Variants in ZNF143 observed in about 807,000 individuals in gnomAD.
ZNF143 encodes zinc finger protein 143.
ZNF143 carries 49 observed loss-of-function variants against 74.1 expected under a neutral mutation model. The observed-to-expected ratio is 0.66, with a 90% confidence interval of 0.53 to 0.84. ZNF143 has a LOEUF of 0.84. Among genes scored for constraint, ZNF143 ranks in the 40% least tolerant of loss-of-function variants. The probability of loss-of-function intolerance (pLI) is 0.00; values close to 1 mark genes in which losing one functional copy is unlikely to be tolerated. For missense variants in ZNF143, 637 were observed against 793.4 expected, an observed-to-expected ratio of 0.80 and a Z score of 2.37; for synonymous variants, 304 against 282.8, an observed-to-expected ratio of 1.07 and a Z score of -0.75.
At chr11:9,504,880 G>A (rs1178920331) in intron 11 of ZNF143, among the ~76,000 whole-genome samples, 3 of 119,184 alleles carry the variant, frequency 2.5e-5, no homozygotes, top group African/African-American at 8.0e-5. Context: ...TCACCATGTT[G>A]GCCATGACAG....
chr11:9,471,467 T>C, intron 2 of ZNF143, 47 bp downstream of exon 2: 1 of 1,408,472 alleles, frequency 7.1e-7, no homozygotes, highest in South Asian at 1.4e-5. Flanking sequence ...ATCATTTATC[T>C]TAAAAGAAAA....
chr11:9,472,131 G>T (rs773670108), intron 2 of ZNF143, among the ~76,000 whole-genome samples: 2 of 151,172 alleles, frequency 1.3e-5, no homozygotes, highest in Non-Finnish European at 2.9e-5. Context: ...GTTTCACCAT[G>T]TTGCCCAGGC....
chr11:9,495,442 A>G (rs552251851), intron 8 of ZNF143, among the ~76,000 whole-genome samples: 5 of 152,360 alleles, frequency 3.3e-5, no homozygotes, highest in East Asian at 3.9e-4. Flanking sequence ...CTCCATCTCA[A>G]TAAATAAATA....
intron 14 of ZNF143, among the ~76,000 whole-genome samples, chr11:9,522,122 C>A (rs1472855726): frequency 6.7e-6 from 1 of 149,698 alleles, no homozygotes; most frequent in Non-Finnish European, 1.5e-5. Flanking sequence ...AGGAAAATTT[C>A]TTTTAAATGC....
intron 9 of ZNF143, 91 bp downstream of exon 9, chr11:9,496,469 T>G (rs1847960902): frequency 5.7e-6 from 6 of 1,060,468 alleles, no homozygotes; most frequent in Non-Finnish European, 8.6e-6. Context: ...TGGCTGTGTC[T>G]GAATCTGCAG....
intron 7 of ZNF143, among the ~76,000 whole-genome samples, chr11:9,480,435 C>T (rs925733641): frequency 6.6e-6 from 1 of 151,722 alleles, no homozygotes; most frequent in African/African-American, 2.4e-5. Context: ...TTATATTTAA[C>T]TCCTAAAGTT....
chr11:9,526,980 A>G (rs545119433), intron 15 of ZNF143, among the ~76,000 whole-genome samples: 4 of 151,154 alleles, frequency 2.6e-5, no homozygotes, highest in African/African-American at 4.9e-5. Flanking sequence ...ACCCATCACC[A>G]CGCCCAGCAA....
chr11:9,462,545 A>G (rs1243409999), intron 1 of ZNF143, among the ~76,000 whole-genome samples: 3 of 147,606 alleles, frequency 2.0e-5, no homozygotes, highest in African/African-American at 7.3e-5. Context: ...TCTGGGTGAC[A>G]GAGACCGGTC....
chr11:9,502,857 G>A (rs1848216742), intron 11 of ZNF143, among the ~76,000 whole-genome samples: 1 of 151,864 alleles, frequency 6.6e-6, no homozygotes, highest in African/African-American at 2.4e-5. Context: ...GTTTTTGTCT[G>A]ACTTCGTTCT....
chr11:9,490,576 C>T (rs752187091), intron 7 of ZNF143, among the ~76,000 whole-genome samples: 34 of 151,782 alleles, frequency 2.2e-4, no homozygotes, highest in Non-Finnish European at 4.3e-4. Context: ...CGTGAGCTGC[C>T]GTGCCTGGTA....
chr11:9,528,228 G>T lies in ZNF143; in HGVS notation c.*615G>T, dbSNP rs530304623. 6.6e-6 allele frequency: 1 copy of T among 152,252 alleles called. No individual in the cohort carries two copies. The highest frequency in any genetic ancestry group is 1.5e-5 in the Non-Finnish European group (1 of 68,018). 9.4% of individuals were successfully genotyped at this position (152,252 alleles called of 1,614,324 possible). On this transcript the variant is annotated 3_prime_UTR_variant, in exon 16 of 16. Coordinates refer to ENST00000396602, the MANE Select transcript of ZNF143 (RefSeq NM_003442.6). ...TTATATTGGCATTACATTGAATTAT[G>T]TACAAAATTATAAAATTTGGTTATT...
intron 2 of ZNF143, among the ~76,000 whole-genome samples, chr11:9,472,204 C>A (rs1856616721): frequency 6.6e-6 from 1 of 152,150 alleles, no homozygotes; most frequent in African/African-American, 2.4e-5. Context: ...GCTGGGATTA[C>A]AGGCATGAGC....
intron 15 of ZNF143, 81 bp from the exon 16 acceptor site, chr11:9,527,449 C>A: frequency 2.3e-6 from 3 of 1,302,666 alleles, no homozygotes; most frequent in Non-Finnish European, 3.3e-6. Flanking sequence ...AGTTTCACTT[C>A]TGGCATATAA....
intron 7 of ZNF143, among the ~76,000 whole-genome samples, chr11:9,485,473 A>G (rs371227754): frequency 1.3e-5 from 2 of 148,498 alleles, no homozygotes; most frequent in Admixed American, 6.8e-5. Context: ...TCAGCCTCCC[A>G]AGTAGCTGGA....
At chr11:9,490,729 A>G (rs1416871887) in intron 7 of ZNF143, among the ~76,000 whole-genome samples, 4 of 152,190 alleles carry the variant, frequency 2.6e-5, no homozygotes, top group Non-Finnish European at 4.4e-5. Context: ...TTCATGAGCA[A>G]TAAACAGAAA....
chr11:9,518,147 T>G (rs1040384323), intron 14 of ZNF143, among the ~76,000 whole-genome samples: 1 of 152,184 alleles, frequency 6.6e-6, no homozygotes, highest in African/African-American at 2.4e-5. Context: ...CCACAAAAGA[T>G]TCATAACTCA....
intron 6 of ZNF143, 144 bp downstream of exon 6, chr11:9,478,730 C>A (rs1429485593): frequency 2.4e-6 from 2 of 819,930 alleles, no homozygotes; most frequent in African/African-American, 1.7e-5. Context: ...ACGCCTATAA[C>A]TTCCCAGCAC....
chr11:9,474,161 C>T, intron 4 of ZNF143, 137 bp downstream of exon 4: 1 of 718,198 alleles, frequency 1.4e-6, no homozygotes, highest in Admixed American at 2.4e-5. Flanking sequence ...TTATAGATGC[C>T]ACAGAGTGGA....
At chr11:9,493,187 A>C (rs1348168899) in intron 7 of ZNF143, among the ~76,000 whole-genome samples, 1 of 150,360 alleles carries the variant, frequency 6.7e-6, no homozygotes, top group African/African-American at 2.5e-5. Context: ...CTCCTGCCTC[A>C]GCCTCCCGAG....
Sources: allele counts gnomAD v4.1 joint callset (sites outside exome capture counted in the v4.1 genomes callset), GRCh38; gene constraint gnomAD v4.1.1; transcripts MANE v1.5; gene names NCBI Gene and HGNC (gene_info 2026-07-23, HGNC 2026-07-21).